TTBK2: variants seen among roughly 807,000 people sequenced by gnomAD.
TTBK2 encodes the protein tau-tubulin kinase 2.
In TTBK2, 28 loss-of-function variants were observed where a neutral mutation model predicts 110.8. The observed-to-expected ratio is 0.25, with a 90% CI of 0.19 to 0.35. The LOEUF is 0.35. Among genes scored for constraint, TTBK2 ranks in the 10% least tolerant of loss-of-function variants. The pLI, the probability that TTBK2 is intolerant of heterozygous loss-of-function variation, is 1.00. For synonymous variants in TTBK2, 532 were observed against 527.3 expected (o/e 1.01, Z -0.12); for missense variants, 1,369 against 1,500.3 (o/e 0.91, Z 1.45).
intron 6 of TTBK2, among the ~76,000 whole-genome samples, chr15:42,820,833 C>T (rs1465783785): frequency 9.9e-5 from 15 of 151,732 alleles, no homozygotes; most frequent in African/African-American, 2.2e-4. Context: ...GTGAGACCCC[C>T]GTCTCTAAAA....
chr15:42,914,666 T>C (rs1293700617), intron 1 of TTBK2, among the ~76,000 whole-genome samples: 1 of 152,250 alleles, frequency 6.6e-6, no homozygotes, highest in Admixed American at 6.5e-5. Context: ...AGCTGTTTCA[T>C]GGGTTGTGTG....
chr15:42,782,649 T>A (rs1890226649), intron 11 of TTBK2, among the ~76,000 whole-genome samples: 1 of 152,228 alleles, frequency 6.6e-6, no homozygotes, highest in Admixed American at 6.5e-5. Flanking sequence ...AAATGAGAGC[T>A]TGTAATGTAC....
intron 1 of TTBK2, among the ~76,000 whole-genome samples, chr15:42,897,004 G>A (rs1357247670): frequency 1.3e-5 from 2 of 151,338 alleles, no homozygotes; most frequent in Non-Finnish European, 2.9e-5. Context: ...TCAGCCTCCC[G>A]GGTACCTGGG....
intron 3 of TTBK2, among the ~76,000 whole-genome samples, chr15:42,848,402 GA>G (rs1322854522): frequency 1.1e-4 from 17 of 151,908 alleles, no homozygotes; most frequent in African/African-American, 4.1e-4. Context: ...TCCAATTAAT[GA>G]ATATGGTATG....
At chr15:42,916,594 G>C (rs954722981) in intron 1 of TTBK2, among the ~76,000 whole-genome samples, 1 of 152,204 alleles carries the variant, frequency 6.6e-6, no homozygotes, top group East Asian at 1.9e-4. Context: ...GCCTCCCAAA[G>C]TGCTAGGATT....
At chr15:42,803,656 T>C (rs1328309685) in intron 9 of TTBK2, among the ~76,000 whole-genome samples, 3 of 152,168 alleles carry the variant, frequency 2.0e-5, no homozygotes, top group South Asian at 4.1e-4. Context: ...CATTTTCTTA[T>C]TGCTGTGACA....
chr15:42,878,588 G>T lies in TTBK2; in HGVS notation c.30C>A (p.Ile10=). 2 of 1,612,480 alleles carry T rather than the reference G, an allele frequency of 1.2e-6. No homozygotes were observed. Among genetic ancestry groups the T allele is most frequent in the Non-Finnish European group, 1.7e-6 (2 of 1,179,748 alleles). MSGGGEQLD[I]LSVGILVKER... ...CTTTCACTAGGATTCCAACACTCAG[G>T]ATATCCAGCTGCTCTCCTCCCCCAC... Residue 10 remains isoleucine, a synonymous_variant, in exon 2 of 15, where the codon ATC becomes ATA. Transcript: ENST00000267890.
At chr15:42,779,706 G>A (rs905315860) in intron 11 of TTBK2, among the ~76,000 whole-genome samples, 54 of 152,180 alleles carry the variant, frequency 3.5e-4, no homozygotes, top group African/African-American at 1.1e-3. Flanking sequence ...AAGGCTGGGC[G>A]CGGTGGCTCA....
chr15:42,850,524 C>T (rs769562040), intron 3 of TTBK2, among the ~76,000 whole-genome samples: 1 of 152,190 alleles, frequency 6.6e-6, no homozygotes. Flanking sequence ...GTGGGAGAGA[C>T]AGAGTGAAGT....
intron 6 of TTBK2, among the ~76,000 whole-genome samples, chr15:42,817,846 C>T (rs1330172882): frequency 6.6e-6 from 1 of 152,148 alleles, no homozygotes; most frequent in African/African-American, 2.4e-5. Flanking sequence ...GCTGGAATGC[C>T]AGCTCCCTGA....
At chr15:42,865,316 T>C (rs1267421673) in intron 3 of TTBK2, among the ~76,000 whole-genome samples, 1 of 151,696 alleles carries the variant, frequency 6.6e-6, no homozygotes, top group Non-Finnish European at 1.5e-5. Flanking sequence ...AAAAATTAGA[T>C]GGGCACAGTG....
At chr15:42,832,478 G>A (rs373514979) in intron 4 of TTBK2, among the ~76,000 whole-genome samples, 1 of 152,068 alleles carries the variant, frequency 6.6e-6, no homozygotes, top group African/African-American at 2.4e-5. Flanking sequence ...ATGCAGGTAC[G>A]CACTAAATTA....
intron 1 of TTBK2, among the ~76,000 whole-genome samples, chr15:42,904,854 G>C (rs1051159697): frequency 6.6e-6 from 1 of 151,958 alleles, no homozygotes; most frequent in East Asian, 1.9e-4. Context: ...GGCTCAAAAT[G>C]AGACATCAAA....
intron 3 of TTBK2, among the ~76,000 whole-genome samples, chr15:42,850,390 C>T (rs1915240): frequency 0.017 from 2,602 of 152,114 alleles, 72 homozygotes; most frequent in African/African-American, 0.059. Context: ...AATGGTAAAC[C>T]CACTGCTGGT....
rs2061741561 is a variant in TTBK2 at position 42,740,176 on chromosome 15, G to A, written c.*5619C>T. 6.6e-6 allele frequency: 1 copy of A among 152,196 alleles called. No individual in the cohort carries two copies. The highest frequency in any genetic ancestry group is 1.5e-5 in the Non-Finnish European group (1 of 68,040). 9.4% of individuals were successfully genotyped at this position (152,196 alleles called of 1,614,324 possible). A position where few individuals can be genotyped will look rare whatever the true frequency, so the allele number is the denominator to read the frequency against. On this transcript the variant is annotated 3_prime_UTR_variant, in exon 15 of 15. Transcript: ENST00000267890. Reference sequence around the variant, plus strand: ...CTGGGAGGCATGGTCAGCATCGCCAGTGTACATATATTCTGTGCCCATACT... The same window carrying A: ...CTGGGAGGCATGGTCAGCATCGCCAATGTACATATATTCTGTGCCCATACT...
intron 9 of TTBK2, among the ~76,000 whole-genome samples, chr15:42,807,934 C>A (rs978305014): frequency 1.3e-5 from 2 of 151,968 alleles, no homozygotes; most frequent in Non-Finnish European, 2.9e-5. Context: ...AAAGTAAAGA[C>A]TTAATTAAAT....
chr15:42,800,275 T>C (rs1891128064), intron 9 of TTBK2: 1 of 437,488 alleles, frequency 2.3e-6, no homozygotes, highest in Non-Finnish European at 4.5e-6. Flanking sequence ...AAATTGACTA[T>C]ATACCTATAT....
chr15:42,860,640 CTTTTTTTT>C (rs796405914), intron 3 of TTBK2, among the ~76,000 whole-genome samples: 1 of 102,124 alleles, frequency 9.8e-6, no homozygotes. Flanking sequence ...GGTATTCTTT[CTTTTTTTT>C]TTTTTTTTTT....
In TTBK2 at chr15:42,740,101, T is replaced by A. The variant is rs2140529645; in HGVS notation, c.*5694A>T. ...CTATAGTCACATGGGCTCAAAGATC[T>A]GCCTCATCCAATCTTGTTCCCTAGG... On this transcript the variant is annotated 3_prime_UTR_variant, in exon 15 of 15. Transcript: ENST00000267890. The A allele has an allele frequency of 6.6e-6, 1 of 152,356 alleles. No homozygotes were observed. Among genetic ancestry groups the A allele is most frequent in the East Asian group, 1.9e-4 (1 of 5,190 alleles). The allele number at this position is 152,356 out of a possible 1,614,324, so 9.4% of individuals were successfully genotyped here.
Sources: allele counts gnomAD v4.1 joint callset (sites outside exome capture counted in the v4.1 genomes callset), GRCh38; gene constraint gnomAD v4.1.1; transcripts MANE v1.5; gene names NCBI Gene and HGNC (gene_info 2026-07-23, HGNC 2026-07-21).